Variants in ADGB observed in about 807,000 individuals in gnomAD.
ADGB encodes the protein androglobin.
In ADGB, 172 loss-of-function variants were observed where a neutral mutation model predicts 210.5. The observed-to-expected ratio is 0.82, with a 90% confidence interval of 0.72 to 0.93. The LOEUF (loss-of-function observed/expected upper bound fraction) is 0.93, where lower values mean the gene tolerates loss of function less well. Ranked by LOEUF, ADGB falls within the 40% of genes least tolerant of loss-of-function variation. ADGB has a pLI of 0.00. For missense variants in ADGB, 2,025 were observed against 1,964.8 expected (o/e 1.03, Z -0.58); for synonymous variants, 658 against 662.7 (o/e 0.99, Z 0.11).
At chr6:146,784,390 T>C (rs1777843207) in intron 30 of ADGB, among the ~76,000 whole-genome samples, 2 of 152,198 alleles carry the variant, frequency 1.3e-5, no homozygotes. Flanking sequence ...TATATGACTA[T>C]ATTACAATTT....
chr6:146,667,718 CAT>C (rs1775954944), intron 7 of ADGB, among the ~76,000 whole-genome samples: 1 of 151,980 alleles, frequency 6.6e-6, no homozygotes, highest in Non-Finnish European at 1.5e-5. Context: ...AATATAGAAA[CAT>C]AACAGCAACT....
chr6:146,623,033 T>TA (rs1197058850), intron 1 of ADGB, among the ~76,000 whole-genome samples: 2 of 152,014 alleles, frequency 1.3e-5, no homozygotes, highest in African/African-American at 4.8e-5. Flanking sequence ...CCTATTTTGT[T>TA]ACTATTTTCT....
rs2114565783 is a variant in ADGB, at chr6:146,716,913, G to T, written c.1772G>T (p.Gly591Val). Residue 591 changes from glycine (G) to valine (V), a missense_variant, in exon 15 of 36, where the codon GGT becomes GTT. Physicochemically the swap from Gly to Val is moderately radical, Grantham distance 109. Coordinates refer to ENST00000397944, the MANE Select transcript of ADGB (RefSeq NM_024694.4). ...GATGAACAAACAGACTTTGGATTGG[G>T]TGATGCTCATCAGAGTGATGGATTA... The part of the protein sequence containing the change: ...GTDEQTDFGL[G>V]DAHQSDGLNL... 1 of 1,550,608 alleles carries T rather than the reference G, an allele frequency of 6.4e-7. No homozygotes were observed. The highest frequency in any genetic ancestry group is 1.2e-5 in the South Asian group (1 of 83,870).
At chr6:146,716,054 C>CA (rs61093466) in intron 14 of ADGB, among the ~76,000 whole-genome samples, 7,746 of 96,760 alleles carry the variant, frequency 0.08, 473 homozygotes, top group African/African-American at 0.19. Flanking sequence ...GACTCCGTCT[C>CA]AAAAAAAAAA....
At chr6:146,639,030 T>A (rs939506901) in intron 2 of ADGB, 2 of 153,596 alleles carry the variant, frequency 1.3e-5, no homozygotes, top group Admixed American at 1.3e-4. Flanking sequence ...GGTAATAGGC[T>A]TTTGGGCAAA....
intron 1 of ADGB, among the ~76,000 whole-genome samples, chr6:146,617,256 G>A (rs1167486679): frequency 6.6e-6 from 1 of 151,946 alleles, no homozygotes; most frequent in Non-Finnish European, 1.5e-5. Context: ...TTCACAGTTG[G>A]TGTATGAAAA....
At chr6:146,615,247 G>A (rs1780780980) in intron 1 of ADGB, among the ~76,000 whole-genome samples, 1 of 148,606 alleles carries the variant, frequency 6.7e-6, no homozygotes, top group African/African-American at 2.6e-5. Flanking sequence ...CGTGACCTGA[G>A]TAAGAATTCA....
intron 27 of ADGB, among the ~76,000 whole-genome samples, chr6:146,763,227 G>A (rs1008115782): frequency 7.9e-5 from 12 of 152,040 alleles, no homozygotes; most frequent in Admixed American, 7.2e-4. Flanking sequence ...TATATTTTCC[G>A]GTGGCTAAAA....
At chr6:146,803,610 A>C in intron 35 of ADGB, 1 of 1,342,628 alleles carries the variant, frequency 7.4e-7, no homozygotes, top group African/African-American at 1.5e-5. Flanking sequence ...TGTTCTTATC[A>C]GTGAAATTAG....
chr6:146,722,358 CT>C (rs1776830879), intron 17 of ADGB, among the ~76,000 whole-genome samples: 1 of 152,130 alleles, frequency 6.6e-6, no homozygotes, highest in Admixed American at 6.5e-5. Context: ...TACCCTGCCA[CT>C]TTTTCTCTGT....
At chr6:146,731,603 G>C (rs571876825) in intron 20 of ADGB, among the ~76,000 whole-genome samples, 53 of 152,226 alleles carry the variant, frequency 3.5e-4, no homozygotes, top group African/African-American at 1.3e-3. Flanking sequence ...AAGTGTCCCA[G>C]CAAGTTTCAG....
intron 35 of ADGB, among the ~76,000 whole-genome samples, chr6:146,813,439 C>T (rs1010469834): frequency 7.0e-6 from 1 of 142,346 alleles, no homozygotes; most frequent in Non-Finnish European, 1.5e-5. Flanking sequence ...TGGGCCACAA[C>T]TACAGATGCA....
chr6:146,799,788 A>T (rs1360621404), intron 33 of ADGB, among the ~76,000 whole-genome samples: 2 of 152,054 alleles, frequency 1.3e-5, no homozygotes, highest in Non-Finnish European at 2.9e-5. Context: ...TGTGAAACGT[A>T]AAACTGTTTC....
intron 27 of ADGB, among the ~76,000 whole-genome samples, chr6:146,762,567 T>C (rs1360548827): frequency 2.6e-5 from 4 of 152,160 alleles, no homozygotes; most frequent in African/African-American, 9.6e-5. Flanking sequence ...TCTTCATCTA[T>C]CAAATTGATT....
intron 1 of ADGB, among the ~76,000 whole-genome samples, chr6:146,626,784 A>C (rs1780979118): frequency 6.6e-6 from 1 of 151,168 alleles, no homozygotes; most frequent in Non-Finnish European, 1.5e-5. Context: ...TTTTATTGAA[A>C]TTCTTAACTC....
chr6:146,700,153 C>A (rs1776470085), intron 12 of ADGB, among the ~76,000 whole-genome samples: 1 of 152,128 alleles, frequency 6.6e-6, no homozygotes, highest in Admixed American at 6.5e-5. Flanking sequence ...TTTTAGTGAG[C>A]CTTTGAAAGT....
intron 11 of ADGB, among the ~76,000 whole-genome samples, chr6:146,691,769 A>G (rs1242585683): frequency 6.6e-6 from 1 of 151,614 alleles, no homozygotes; most frequent in Non-Finnish European, 1.5e-5. Flanking sequence ...CTTTTGAGTT[A>G]TGGCGATGTT....
chr6:146,782,946 A>G (rs1417739565), intron 30 of ADGB, among the ~76,000 whole-genome samples: 2 of 152,202 alleles, frequency 1.3e-5, no homozygotes, highest in Non-Finnish European at 2.9e-5. Context: ...GTTAAGCAGG[A>G]CTGGAACTAG....
intron 1 of ADGB, among the ~76,000 whole-genome samples, chr6:146,632,263 C>T (rs1411189680): frequency 3.9e-5 from 6 of 152,154 alleles, no homozygotes; most frequent in Admixed American, 2.6e-4. Flanking sequence ...GACCACATTC[C>T]TCGGCTTGTG....
Sources: gnomAD v4.1 joint callset for allele counts (sites outside exome capture counted in the v4.1 genomes callset) on GRCh38, gnomAD v4.1.1 for gene constraint, MANE v1.5 for transcripts, NCBI Gene and HGNC (gene_info 2026-07-23, HGNC 2026-07-21) for gene names.